The following CTTNBP2NL variants were observed in gnomAD, a reference collection of about 807,000 sequenced individuals.
CTTNBP2NL encodes the protein CTTNBP2 N-terminal-like protein.
CTTNBP2NL carries 16 observed loss-of-function variants against 32.5 expected under a neutral mutation model. The ratio of observed to expected loss-of-function variants is 0.49; its 90% confidence interval spans 0.33 to 0.75. The LOEUF (loss-of-function observed/expected upper bound fraction) is 0.75. Ranked by LOEUF, CTTNBP2NL falls within the 30% of genes least tolerant of loss-of-function variation. The pLI is 0.02. For missense variants in CTTNBP2NL, 645 were observed against 756.0 expected, an observed-to-expected ratio of 0.85 and a Z score of 1.72; for synonymous variants, 298 against 289.4, an observed-to-expected ratio of 1.03 and a Z score of -0.30.
At chr1:112,426,011 GTC>G in intron 3 of CTTNBP2NL, among the ~76,000 whole-genome samples, 1 of 140,404 alleles carries the variant, frequency 7.1e-6, no homozygotes, top group South Asian at 2.3e-4. Flanking sequence ...GTGTCTGTCT[GTC>G]TTACTACATT....
intron 3 of CTTNBP2NL, among the ~76,000 whole-genome samples, chr1:112,445,988 G>T (rs1158168043): frequency 6.6e-6 from 1 of 152,094 alleles, no homozygotes; most frequent in East Asian, 1.9e-4. Context: ...AAGTATTTGG[G>T]TTTACTTTTT....
intron 3 of CTTNBP2NL, among the ~76,000 whole-genome samples, chr1:112,444,322 A>G (rs2483343): frequency 0.55 from 84,020 of 152,074 alleles, 24,328 homozygotes; most frequent in South Asian, 0.71. Flanking sequence ...TGGGAAGTGG[A>G]GAGGAGGTGA....
At chr1:112,426,174 G>A (rs994081229) in intron 3 of CTTNBP2NL, among the ~76,000 whole-genome samples, 8 of 151,962 alleles carry the variant, frequency 5.3e-5, no homozygotes, top group Non-Finnish European at 8.8e-5. Context: ...AATTTGCAGG[G>A]AATTTTTATT....
At chr1:112,419,675 C>T (rs923996294) in intron 3 of CTTNBP2NL, among the ~76,000 whole-genome samples, 7 of 152,130 alleles carry the variant, frequency 4.6e-5, no homozygotes, top group African/African-American at 1.2e-4. Flanking sequence ...AAATGAAAAA[C>T]GTAAAATTGA....
chr1:112,444,380 T>C (rs961653167), intron 3 of CTTNBP2NL, among the ~76,000 whole-genome samples: 2 of 152,212 alleles, frequency 1.3e-5, no homozygotes, highest in Admixed American at 6.5e-5. Flanking sequence ...GCTGAAACTT[T>C]TGGAGAGCAA....
At chr1:112,419,063 G>A (rs1649148256) in intron 3 of CTTNBP2NL, among the ~76,000 whole-genome samples, 1 of 152,142 alleles carries the variant, frequency 6.6e-6, no homozygotes, top group Non-Finnish European at 1.5e-5. Context: ...CAGCTTTCAT[G>A]TGCGATTAAC....
chr1:112,419,267 A>G (rs1350376936), intron 3 of CTTNBP2NL, among the ~76,000 whole-genome samples: 2 of 152,204 alleles, frequency 1.3e-5, no homozygotes, highest in African/African-American at 4.8e-5. Context: ...AGATTATGTA[A>G]TACATCATTC....
intron 1 of CTTNBP2NL, among the ~76,000 whole-genome samples, chr1:112,407,549 A>G (rs566451950): frequency 6.6e-6 from 1 of 152,278 alleles, no homozygotes; most frequent in African/African-American, 2.4e-5. Flanking sequence ...TTTTAACTTA[A>G]TTATCTCTTT....
At chr1:112,423,687 A>C (rs142419824) in intron 3 of CTTNBP2NL, among the ~76,000 whole-genome samples, 5 of 152,304 alleles carry the variant, frequency 3.3e-5, no homozygotes, top group African/African-American at 1.2e-4. Flanking sequence ...TTGAAGAGCA[A>C]AAGTTTTTCA....
intron 4 of CTTNBP2NL, 95 bp downstream of exon 4, chr1:112,449,267 C>A: frequency 1.5e-6 from 1 of 678,386 alleles, no homozygotes; most frequent in African/African-American, 1.8e-5. Flanking sequence ...CACAGTAATT[C>A]AATTGGGACA....
At chr1:112,425,453 A>T (rs566702779) in intron 3 of CTTNBP2NL, among the ~76,000 whole-genome samples, 2 of 152,322 alleles carry the variant, frequency 1.3e-5, no homozygotes, top group African/African-American at 4.8e-5. Context: ...CCTGGGCAGC[A>T]GAGCAAGACT....
chr1:112,429,972 A>T (rs562582974), intron 3 of CTTNBP2NL, among the ~76,000 whole-genome samples: 2 of 152,272 alleles, frequency 1.3e-5, no homozygotes, highest in African/African-American at 4.8e-5. Flanking sequence ...TGAAATTAGT[A>T]AGAGGGAAGT....
Position 112,456,101 on chromosome 1 carries a change from G to C in CTTNBP2NL, c.609G>C (p.Leu203=), listed in dbSNP as rs1260489127. Residue 203 remains leucine (L), a synonymous_variant, in exon 6 of 6, where the codon CTG becomes CTC. Transcript: ENST00000271277. The part of the protein sequence containing the change: ...AAEEGQKAGE[L]SLKLEKEKSR... ...AGGAAGGACAGAAGGCAGGAGAGCT[G>C]AGCCTGAAATTGGAGAAGGAGAAGA... is the stretch of plus-strand genomic sequence containing the variant. 3 of 1,614,164 alleles carry C rather than the reference G, an allele frequency of 1.9e-6. No individual in the cohort carries two copies. Among genetic ancestry groups the C allele is most frequent in the Non-Finnish European group, 2.5e-6 (3 of 1,180,030 alleles).
At chr1:112,413,229 A>C (rs961348169) in intron 2 of CTTNBP2NL, among the ~76,000 whole-genome samples, 4 of 152,202 alleles carry the variant, frequency 2.6e-5, no homozygotes, top group African/African-American at 9.6e-5. Flanking sequence ...TTTTATTAGA[A>C]TCTAACAAAT....
chr1:112,422,949 T>A (rs1453042640), intron 3 of CTTNBP2NL, among the ~76,000 whole-genome samples: 2 of 152,228 alleles, frequency 1.3e-5, no homozygotes, highest in African/African-American at 2.4e-5. Context: ...CACACCACCA[T>A]GCCTGGCTAA....
intron 3 of CTTNBP2NL, among the ~76,000 whole-genome samples, chr1:112,435,142 CAAAAAAA>C (rs5777114): frequency 3.5e-5 from 3 of 86,000 alleles, no homozygotes; most frequent in African/African-American, 1.4e-4. Flanking sequence ...GACTCTGTCT[CAAAAAAA>C]AAAAAAAAAA....
intron 1 of CTTNBP2NL, among the ~76,000 whole-genome samples, chr1:112,398,910 A>C (rs905105183): frequency 1.5e-4 from 23 of 152,114 alleles, no homozygotes; most frequent in Non-Finnish European, 3.2e-4. Flanking sequence ...ACCAGACTTA[A>C]GAACGTAATG....
intron 3 of CTTNBP2NL, among the ~76,000 whole-genome samples, chr1:112,446,997 A>G (rs1650061219): frequency 1.3e-5 from 2 of 152,110 alleles, no homozygotes; most frequent in Admixed American, 1.3e-4. Context: ...GGTTTCAGCC[A>G]GGCGCAGTGG....
At chr1:112,439,908 A>G (rs1649848750) in intron 3 of CTTNBP2NL, among the ~76,000 whole-genome samples, 1 of 152,230 alleles carries the variant, frequency 6.6e-6, no homozygotes, top group Non-Finnish European at 1.5e-5. Context: ...AATCTCAAAT[A>G]AATTGTACTT....
Sources: allele counts gnomAD v4.1 joint callset (sites outside exome capture counted in the v4.1 genomes callset), GRCh38; gene constraint gnomAD v4.1.1; transcripts MANE v1.5; gene names NCBI Gene and HGNC (gene_info 2026-07-23, HGNC 2026-07-21).